STX7: variants seen among roughly 807,000 people sequenced by gnomAD.
STX7 encodes syntaxin-7.
Under a neutral mutation model 39.6 loss-of-function variants are expected in STX7, and 34 were observed. The ratio of observed to expected loss-of-function variants is 0.86; its 90% confidence interval spans 0.65 to 1.14. The LOEUF is 1.14. STX7 is among the 50% of genes most tolerant of loss of function. STX7 has a pLI of 0.00. For synonymous variants in STX7, 119 were observed against 99.1 expected (o/e 1.20, Z -1.19); for missense variants, 284 against 310.4 (o/e 0.92, Z 0.64).
chr6:132,506,560 C>CT (rs1775710275), intron 1 of STX7, among the ~76,000 whole-genome samples: 3 of 152,072 alleles, frequency 2.0e-5, no homozygotes, highest in Non-Finnish European at 4.4e-5. Context: ...CATCATCTCA[C>CT]AACAGTCAGA....
At chr6:132,508,726 G>A (rs1775768664) in intron 1 of STX7, among the ~76,000 whole-genome samples, 1 of 150,360 alleles carries the variant, frequency 6.7e-6, no homozygotes, top group African/African-American at 2.5e-5. Context: ...TGCCCAGACT[G>A]GTCTTGAACT....
intron 2 of STX7, among the ~76,000 whole-genome samples, chr6:132,496,539 G>A (rs1775423543): frequency 6.6e-6 from 1 of 152,060 alleles, no homozygotes; most frequent in Non-Finnish European, 1.5e-5. Context: ...TTCAATTATG[G>A]GATTTTATGA....
intron 7 of STX7, among the ~76,000 whole-genome samples, chr6:132,468,996 G>C (rs1399139405): frequency 6.6e-6 from 1 of 152,142 alleles, no homozygotes; most frequent in Non-Finnish European, 1.5e-5. Flanking sequence ...TTATAAACTT[G>C]GTGATTAAAT....
chr6:132,494,098 G>C (rs1775363380), intron 2 of STX7, among the ~76,000 whole-genome samples: 1 of 152,142 alleles, frequency 6.6e-6, no homozygotes, highest in Non-Finnish European at 1.5e-5. Flanking sequence ...GGATTCATTT[G>C]TGGAGGCACC....
chr6:132,473,517 G>GT (rs752590497), intron 3 of STX7, among the ~76,000 whole-genome samples: 4,016 of 125,710 alleles, frequency 0.032, 180 homozygotes, highest in East Asian at 0.097. Flanking sequence ...TTATTATTGT[G>GT]TTGTTTTTTT....
intron 1 of STX7, among the ~76,000 whole-genome samples, chr6:132,505,753 A>AC (rs1775686167): frequency 6.7e-6 from 1 of 148,516 alleles, no homozygotes; most frequent in Admixed American, 6.8e-5. Flanking sequence ...AAAAAAAAAA[A>AC]AAAAAAAAAA....
chr6:132,513,354 C>T (rs1222990900), upstream of STX7, among the ~76,000 whole-genome samples: 1 of 152,230 alleles, frequency 6.6e-6, no homozygotes, highest in Non-Finnish European at 1.5e-5. Flanking sequence ...CTGGTGAAGC[C>T]AGCCTTCTTG....
intron 1 of STX7, among the ~76,000 whole-genome samples, chr6:132,510,195 T>G (rs1775812054): frequency 6.6e-6 from 1 of 152,204 alleles, no homozygotes; most frequent in African/African-American, 2.4e-5. Flanking sequence ...TAATTACAAT[T>G]TATTGCATAT....
chr6:132,493,459 G>A (rs931022401), intron 2 of STX7, among the ~76,000 whole-genome samples: 4 of 152,134 alleles, frequency 2.6e-5, no homozygotes, highest in Non-Finnish European at 5.9e-5. Context: ...TTCCTGTGCT[G>A]TTCTCATGAT....
chr6:132,509,458 A>T (rs1775786084), intron 1 of STX7, among the ~76,000 whole-genome samples: 79 of 128,800 alleles, frequency 6.1e-4, no homozygotes, highest in Admixed American at 1.3e-3. Context: ...TCAAAATAAC[A>T]TAACATAACA....
intron 4 of STX7, 108 bp from the exon 5 acceptor site, chr6:132,471,708 T>A: frequency 1.7e-6 from 2 of 1,180,076 alleles, no homozygotes; most frequent in Non-Finnish European, 2.4e-6. Flanking sequence ...TACTCCCCAA[T>A]TACAGGGCCT....
At chr6:132,505,898 A>G (rs1775695454) in intron 1 of STX7, among the ~76,000 whole-genome samples, 1 of 152,208 alleles carries the variant, frequency 6.6e-6, no homozygotes, top group African/African-American at 2.4e-5. Flanking sequence ...ACAGACACAT[A>G]GAACAATGGA....
rs908622065 is a variant in STX7, at chr6:132,457,612, C to T, written c.*3146G>A. On this transcript the variant is annotated 3_prime_UTR_variant, in exon 10 of 10. Coordinates refer to ENST00000367941, the MANE Select transcript of STX7 (RefSeq NM_003569.3). ...CAAACTGTTCAAATGTTATGGAGGA[C>T]TAAAAAGGCCTGGGATTCACAGGCT... The T allele has an allele frequency of 3.3e-5, 5 of 152,142 alleles. No individual in the cohort carries two copies. The highest frequency in any genetic ancestry group is 1.2e-4 in the African/African-American group (5 of 41,420). 9.4% of individuals were successfully genotyped at this position (152,142 alleles called of 1,614,324 possible). A position where few individuals can be genotyped will look rare whatever the true frequency, so the allele number is the denominator to read the frequency against.
chr6:132,471,248 C>G (rs552499852), intron 5 of STX7, among the ~76,000 whole-genome samples: 1 of 152,292 alleles, frequency 6.6e-6, no homozygotes, highest in South Asian at 2.1e-4. Context: ...ACTCTGTAAT[C>G]TTCTGTACTA....
intron 2 of STX7, among the ~76,000 whole-genome samples, chr6:132,498,292 T>C (rs766408395): frequency 1.4e-4 from 22 of 152,198 alleles, no homozygotes; most frequent in Non-Finnish European, 2.6e-4. Context: ...AAATATTTTA[T>C]GCTTAATATA....
intron 1 of STX7, among the ~76,000 whole-genome samples, chr6:132,511,189 A>T (rs1035180496): frequency 6.6e-6 from 1 of 152,228 alleles, no homozygotes; most frequent in Admixed American, 6.5e-5. Flanking sequence ...CTAAGAACAC[A>T]CACCCAGCGT....
At chr6:132,480,902 T>C (rs78804156) in intron 2 of STX7, among the ~76,000 whole-genome samples, 5,238 of 152,312 alleles carry the variant, frequency 0.034, 288 homozygotes, top group African/African-American at 0.12. Context: ...ATATTAACTG[T>C]TCGTCTCCTT....
At chr6:132,504,925 G>A (rs17192622) in intron 1 of STX7, among the ~76,000 whole-genome samples, 7,678 of 152,300 alleles carry the variant, frequency 0.05, 241 homozygotes, top group Non-Finnish European at 0.076. Flanking sequence ...CCCAGAGCAC[G>A]TGGAAAGGCC....
intron 3 of STX7, among the ~76,000 whole-genome samples, chr6:132,472,670 T>C (rs1171523758): frequency 6.6e-6 from 1 of 152,184 alleles, no homozygotes; most frequent in Non-Finnish European, 1.5e-5. Flanking sequence ...GGAGAGACTG[T>C]TAGATGTCTG....
Sources: gnomAD v4.1 joint callset for allele counts (sites outside exome capture counted in the v4.1 genomes callset) on GRCh38, gnomAD v4.1.1 for gene constraint, MANE v1.5 for transcripts, NCBI Gene and HGNC (gene_info 2026-07-23, HGNC 2026-07-21) for gene names.